The following CNTNAP2 variants were observed in gnomAD, a reference collection of about 807,000 sequenced individuals.
CNTNAP2 encodes the protein contactin-associated protein-like 2.
In CNTNAP2, 98 loss-of-function variants were observed where a neutral mutation model predicts 155.2. That is an observed-to-expected ratio of 0.63 (90% CI 0.54 to 0.75). The LOEUF (loss-of-function observed/expected upper bound fraction) is 0.75, where lower values mean the gene tolerates loss of function less well. Ranked by LOEUF, CNTNAP2 falls within the 30% of genes least tolerant of loss-of-function variation. The probability of loss-of-function intolerance (pLI) is 0.00; values close to 1 mark genes in which losing one functional copy is unlikely to be tolerated. For synonymous variants in CNTNAP2, 651 were observed against 631.2 expected (o/e 1.03, Z -0.47); for missense variants, 1,727 against 1,688.1 (o/e 1.02, Z -0.40).
chr7:146,868,765 C>A (rs1795252139), intron 3 of CNTNAP2, among the ~76,000 whole-genome samples: 1 of 152,004 alleles, frequency 6.6e-6, no homozygotes, highest in African/African-American at 2.4e-5. Flanking sequence ...GTATTTTCTT[C>A]TTTTTGTGGC....
At chr7:147,043,179 T>C (rs527611333) in intron 3 of CNTNAP2, among the ~76,000 whole-genome samples, 1 of 152,246 alleles carries the variant, frequency 6.6e-6, no homozygotes, top group Non-Finnish European at 1.5e-5. Flanking sequence ...CTCTAACTTA[T>C]GAAATAGATA....
intron 14 of CNTNAP2, among the ~76,000 whole-genome samples, chr7:147,951,105 G>C (rs1399643103): frequency 2.6e-5 from 4 of 152,172 alleles, no homozygotes; most frequent in African/African-American, 4.8e-5. Context: ...ATCTGATAGC[G>C]ATTTAATTCT....
intron 1 of CNTNAP2, among the ~76,000 whole-genome samples, chr7:146,492,914 A>G (rs930788194): frequency 4.6e-5 from 7 of 152,222 alleles, no homozygotes; most frequent in South Asian, 2.1e-4. Context: ...TATTTGAAGT[A>G]GTCTACAAAT....
chr7:147,073,009 C>T (rs1460045648), intron 4 of CNTNAP2, among the ~76,000 whole-genome samples: 22 of 151,452 alleles, frequency 1.5e-4, no homozygotes, highest in African/African-American at 5.3e-4. Flanking sequence ...CCCGCCACCA[C>T]GCCCGGCTAA....
chr7:146,589,003 T>A (rs1000176979), intron 1 of CNTNAP2, among the ~76,000 whole-genome samples: 3 of 152,180 alleles, frequency 2.0e-5, no homozygotes, highest in African/African-American at 7.2e-5. Flanking sequence ...TTATTACAGG[T>A]CACCTCATTC....
intron 9 of CNTNAP2, among the ~76,000 whole-genome samples, chr7:147,371,738 A>G (rs1584906456): frequency 6.6e-6 from 1 of 152,154 alleles, no homozygotes; most frequent in African/African-American, 2.4e-5. Flanking sequence ...GTTCCCTCTG[A>G]CAGCCTCTCC....
At chr7:148,382,213 C>G (rs1289915575) in intron 21 of CNTNAP2, among the ~76,000 whole-genome samples, 1 of 152,230 alleles carries the variant, frequency 6.6e-6, no homozygotes, top group Non-Finnish European at 1.5e-5. Flanking sequence ...TGCTCACAGC[C>G]CCACAGGCCT....
chr7:148,362,018 G>A (rs1051936833), intron 21 of CNTNAP2, among the ~76,000 whole-genome samples: 2 of 152,110 alleles, frequency 1.3e-5, no homozygotes, highest in African/African-American at 4.8e-5. Flanking sequence ...GACCAGCCTA[G>A]CCAATACAGT....
intron 14 of CNTNAP2, among the ~76,000 whole-genome samples, chr7:147,968,007 A>G (rs1010165331): frequency 1.3e-5 from 2 of 152,214 alleles, no homozygotes; most frequent in Non-Finnish European, 2.9e-5. Context: ...AGTTAAGTAC[A>G]TACGGGTAGC....
chr7:148,365,909 C>T (rs201822436), intron 21 of CNTNAP2, among the ~76,000 whole-genome samples: 259 of 704 alleles, frequency 0.37, 120 homozygotes, highest in South Asian at 1. Flanking sequence ...TGTATACATG[C>T]GTGTATGCAT....
chr7:146,579,854 G>A (rs1454472375), intron 1 of CNTNAP2, among the ~76,000 whole-genome samples: 1 of 152,038 alleles, frequency 6.6e-6, no homozygotes, highest in Non-Finnish European at 1.5e-5. Flanking sequence ...AAGTTTCTTA[G>A]TGTACATAAT....
At chr7:147,442,167 A>T (rs1045694395) in intron 10 of CNTNAP2, among the ~76,000 whole-genome samples, 1 of 152,048 alleles carries the variant, frequency 6.6e-6, no homozygotes, top group African/African-American at 2.4e-5. Context: ...AACAAACTTA[A>T]ATGTCTACTT....
intron 13 of CNTNAP2, among the ~76,000 whole-genome samples, chr7:147,674,094 C>A (rs1029311427): frequency 6.6e-6 from 1 of 151,696 alleles, no homozygotes; most frequent in African/African-American, 2.4e-5. Flanking sequence ...TTTTTTAATT[C>A]TGGAGGAAAT....
chr7:146,537,209 C>T (rs972436822), intron 1 of CNTNAP2, among the ~76,000 whole-genome samples: 8 of 151,646 alleles, frequency 5.3e-5, no homozygotes, highest in African/African-American at 1.7e-4. Flanking sequence ...TGAATGTGTC[C>T]TATTTGGAGG....
intron 9 of CNTNAP2, among the ~76,000 whole-genome samples, chr7:147,381,465 T>C (rs866685493): frequency 1.3e-5 from 2 of 152,320 alleles, no homozygotes; most frequent in African/African-American, 2.4e-5. Flanking sequence ...ACTAGCAGTT[T>C]GTGGATATAA....
At chr7:146,910,661 G>A (rs1250500280) in intron 3 of CNTNAP2, among the ~76,000 whole-genome samples, 3 of 150,306 alleles carry the variant, frequency 2.0e-5, no homozygotes, top group Non-Finnish European at 4.4e-5. Context: ...AATTCAAGAT[G>A]GATCAAAGAT....
intron 18 of CNTNAP2, among the ~76,000 whole-genome samples, chr7:148,180,177 T>C (rs553558094): frequency 1.3e-5 from 2 of 152,320 alleles, no homozygotes; most frequent in South Asian, 4.1e-4. Flanking sequence ...GTCTTAATAA[T>C]CCCAGCTTGG....
chr7:146,245,660 CGT>C (rs1472678540), intron 1 of CNTNAP2, among the ~76,000 whole-genome samples: 2 of 151,970 alleles, frequency 1.3e-5, no homozygotes, highest in African/African-American at 4.8e-5. Flanking sequence ...AAGGAAAGCA[CGT>C]GTGTTTTTAT....
intron 15 of CNTNAP2, among the ~76,000 whole-genome samples, chr7:148,064,878 C>T (rs1194315499): frequency 1.3e-5 from 2 of 151,912 alleles, no homozygotes; most frequent in Non-Finnish European, 2.9e-5. Flanking sequence ...GAGGTTTTAC[C>T]TTACATTGTC....
Sources: allele counts gnomAD v4.1 joint callset (sites outside exome capture counted in the v4.1 genomes callset), GRCh38; gene constraint gnomAD v4.1.1; transcripts MANE v1.5; gene names NCBI Gene and HGNC (gene_info 2026-07-23, HGNC 2026-07-21).